Variants in ARSG observed in about 807,000 individuals in gnomAD.
The protein encoded by ARSG is arylsulfatase G, also known as ASG.
ARSG carries 37 observed loss-of-function variants against 50.5 expected under a neutral mutation model. The ratio of observed to expected loss-of-function variants is 0.73; its 90% confidence interval spans 0.56 to 0.96. The LOEUF (loss-of-function observed/expected upper bound fraction) is 0.96. ARSG is among the 50% of genes least tolerant of loss of function. The probability of loss-of-function intolerance (pLI) is 0.00; values close to 1 mark genes in which losing one functional copy is unlikely to be tolerated. For synonymous variants in ARSG, 225 were observed against 254.6 expected, an observed-to-expected ratio of 0.88 and a Z score of 1.11; for missense variants, 629 against 675.3, an observed-to-expected ratio of 0.93 and a Z score of 0.76.
chr17:68,393,338 TC>T (rs1305103212), intron 9 of ARSG, among the ~76,000 whole-genome samples: 2 of 151,926 alleles, frequency 1.3e-5, no homozygotes, highest in Non-Finnish European at 2.9e-5. Flanking sequence ...CCTGGACGAG[TC>T]CGCCCTTTGT....
chr17:68,319,233 A>G (rs1486468420), intron 2 of ARSG, among the ~76,000 whole-genome samples: 4 of 152,166 alleles, frequency 2.6e-5, no homozygotes, highest in African/African-American at 7.2e-5. Context: ...GAGGACCCTC[A>G]CTGGAGAGAA....
At chr17:68,431,330 A>T in the ARSG span, among the ~76,000 whole-genome samples, 1 of 152,082 alleles carries the variant, frequency 6.6e-6, no homozygotes, top group Non-Finnish European at 1.5e-5. Context: ...AACCTCCCTG[A>T]CAGGGTTGCT....
At position 68,368,575 on chromosome 17, in the gene ARSG, T is replaced by C; in HGVS notation, c.732T>C (p.Tyr244=). Residue 244 remains tyrosine (Y), a synonymous_variant, in exon 7 of 12, where the codon TAT becomes TAC. Coordinates refer to ENST00000621439, the MANE Select transcript of ARSG (RefSeq NM_001267727.2). ...CCAGCGGGAGGCCCTTCCTGCTCTA[T>C]GTGGCTCTGGCCCACATGCACGTGC... The part of the protein sequence containing the change: ...ASTSGRPFLL[Y]VALAHMHVPL... 6.2e-7 allele frequency: 1 copy of C among 1,614,140 alleles called. No homozygotes were observed. Among genetic ancestry groups the C allele is most frequent in the African/African-American group, 1.3e-5 (1 of 75,070 alleles).
In ARSG at chr17:68,353,020, C is replaced by A. The variant is rs565561891; in HGVS notation, c.566+1334C>A. ...GCCACTTGGGAAAGGTGAGTCTCAG[C>A]TCGTCTATCTATAAAACAATAGTTA... On this transcript the variant is annotated intron_variant, in intron 5 of 11. Coordinates refer to ENST00000621439, the MANE Select transcript of ARSG (RefSeq NM_001267727.2). 3.9e-5 allele frequency among the ~76,000 whole-genome samples: 6 copies of A among 152,188 alleles called. No individual in the cohort carries two copies. In the South Asian group the frequency reaches 1.2e-3, roughly 32 times the overall value.
chr17:68,271,593 T>C lies in ARSG; in HGVS notation c.-552+12167T>C, dbSNP rs61740584. On this transcript the variant is annotated intron_variant, in intron 1 of 11. Transcript: ENST00000448504. This position sits in a 1 kb window ranked among gnomAD's most constrained non-coding sequence, Gnocchi z 5.3. The stretch of plus-strand genomic sequence containing the variant: ...CTCCGAAGATGACAATGTTTAACTG[T>C]AGTAGGCCCACGAAGAGGAGGCTGT... 4.7e-3 allele frequency: 7,556 copies of C among 1,614,118 alleles called. 309 individuals are homozygous for C. In the African/African-American group the frequency reaches 0.088, roughly 19 times the overall value.
At chr17:68,317,534 C>A (rs139587247) in intron 2 of ARSG, among the ~76,000 whole-genome samples, 1 of 151,124 alleles carries the variant, frequency 6.6e-6, no homozygotes, top group East Asian at 1.9e-4. Context: ...TATCAGAGGG[C>A]GTTGTCGTTT....
intron 9 of ARSG, among the ~76,000 whole-genome samples, chr17:68,388,780 C>A (rs1322814417): frequency 2.0e-5 from 3 of 152,010 alleles, no homozygotes; most frequent in African/African-American, 7.2e-5. Flanking sequence ...CAAAAATTAG[C>A]CGGGCGTGGT....
chr17:68,309,313 C>T (rs188572971), intron 2 of ARSG, among the ~76,000 whole-genome samples: 6 of 152,242 alleles, frequency 3.9e-5, no homozygotes, highest in Non-Finnish European at 7.3e-5. Context: ...CCCTGCAAGC[C>T]GAGGGAGCCG....
chr17:68,404,127 G>C (rs1354206038), intron 11 of ARSG, among the ~76,000 whole-genome samples: 1 of 152,090 alleles, frequency 6.6e-6, no homozygotes, highest in East Asian at 1.9e-4. Flanking sequence ...ATTTGGGTTG[G>C]GTCCAAGTCT....
chr17:68,345,934 G>C (rs1433333746), intron 3 of ARSG, among the ~76,000 whole-genome samples: 2 of 152,034 alleles, frequency 1.3e-5, no homozygotes, highest in Admixed American at 6.5e-5. Flanking sequence ...GGAGTACAGT[G>C]GCTCAATCTC....
chr17:68,309,283 G>C (rs150129055), intron 2 of ARSG, among the ~76,000 whole-genome samples: 1 of 152,222 alleles, frequency 6.6e-6, no homozygotes, highest in African/African-American at 2.4e-5. Context: ...GTTCCCGCTC[G>C]CGCCTCTCCC....
intron 1 of ARSG, among the ~76,000 whole-genome samples, chr17:68,264,278 A>G (rs1329116801): frequency 2.6e-5 from 4 of 152,208 alleles, no homozygotes; most frequent in Admixed American, 6.5e-5. Flanking sequence ...CATAGAATCC[A>G]TTTTCTGTTT....
At chr17:68,351,089 A>T (rs550396275) in intron 4 of ARSG, among the ~76,000 whole-genome samples, 1 of 152,014 alleles carries the variant, frequency 6.6e-6, no homozygotes. Flanking sequence ...TCACCTATTC[A>T]TCTCTTATTT....
At chr17:68,274,191 C>A (rs373543576) in intron 1 of ARSG, 3 of 1,062,396 alleles carry the variant, frequency 2.8e-6, no homozygotes, top group Non-Finnish European at 4.0e-6. Context: ...TATGGCCGAG[C>A]GCAGTGGCTC....
rs58911609 is a variant in ARSG, at chr17:68,313,683, C to CTTTTT, written c.218+5982_218+5986dup. Among the ~76,000 whole-genome samples the CTTTTT allele has an allele frequency of 3.6e-3, 456 of 128,168 alleles. 1 individual carries two copies. Among genetic ancestry groups the CTTTTT allele is most frequent in the Non-Finnish European group, 5.1e-3 (317 of 62,608 alleles). The allele number at this position is 128,168 out of a possible 152,430, so 84.1% of individuals were successfully genotyped here. A position where few individuals can be genotyped will look rare whatever the true frequency, so the allele number is the denominator to read the frequency against. On this transcript the variant is annotated intron_variant, in intron 2 of 11. Transcript: ENST00000621439. ...CTGTATTACGTATCTCTCTCTCTCTCTTTTTTTTTTTTTTGAGACACAGTT... is the reference window on the plus strand; with the variant it reads ...CTGTATTACGTATCTCTCTCTCTCTCTTTTTTTTTTTTTTTTTTTGAGACACAGTT...
chr17:68,420,088 T>C (rs193195039), intron 11 of ARSG, 101 bp from the exon 12 acceptor site: 79 of 1,338,540 alleles, frequency 5.9e-5, no homozygotes, highest in Admixed American at 1.5e-4. Context: ...TTTGGTTATC[T>C]GGTATGTTTG....
At chr17:68,390,303 A>T (rs1332503585) in intron 9 of ARSG, among the ~76,000 whole-genome samples, 1 of 152,124 alleles carries the variant, frequency 6.6e-6, no homozygotes, top group Non-Finnish European at 1.5e-5. Context: ...ATCCTTCAGC[A>T]GCCCCTTGGA....
chr17:68,450,997 G>T, the ARSG span: 151 of 1,459,624 alleles, frequency 1.0e-4, no homozygotes, highest in Non-Finnish European at 1.3e-4. Context: ...GGTTCCAAAG[G>T]TTCTCCGGGT....
chr17:68,332,900 G>A (rs891034380), intron 2 of ARSG, among the ~76,000 whole-genome samples: 1 of 152,202 alleles, frequency 6.6e-6, no homozygotes, highest in Admixed American at 6.5e-5. Flanking sequence ...CTTGTACAGA[G>A]CTACAAATTC....
Sources: gnomAD v4.1 joint callset for allele counts (sites outside exome capture counted in the v4.1 genomes callset) on GRCh38, gnomAD v4.1.1 for gene constraint, Gnocchi (gnomAD v3.1) non-coding constraint, MANE v1.5 for transcripts, NCBI Gene and HGNC (gene_info 2026-07-23, HGNC 2026-07-21) for gene names.